The following RBFOX1 variants were observed in gnomAD, a reference collection of about 807,000 sequenced individuals.
RBFOX1 encodes the protein RNA binding fox-1 homolog 1.
In RBFOX1, 8 loss-of-function variants were observed where a neutral mutation model predicts 57.7. The observed-to-expected ratio is 0.14, with a 90% CI of 0.08 to 0.25. The LOEUF (loss-of-function observed/expected upper bound fraction) is 0.25, where lower values mean the gene tolerates loss of function less well. Ranked by LOEUF, RBFOX1 falls within the 10% of genes least tolerant of loss-of-function variation. RBFOX1 has a pLI of 1.00. For missense variants in RBFOX1, 611 were observed against 548.5 expected, an observed-to-expected ratio of 1.11 and a Z score of -1.14; for synonymous variants, 326 against 222.4, an observed-to-expected ratio of 1.47 and a Z score of -4.15.
chr16:6,652,614 A>C (rs1182337436), intron 2 of RBFOX1, among the ~76,000 whole-genome samples: 2 of 152,100 alleles, frequency 1.3e-5, no homozygotes, highest in African/African-American at 4.8e-5. Flanking sequence ...CACCTGTAGA[A>C]CTCTAAGAAA....
chr16:6,863,330 C>G (rs899771035), intron 3 of RBFOX1, among the ~76,000 whole-genome samples: 7 of 152,038 alleles, frequency 4.6e-5, no homozygotes, highest in Middle Eastern at 3.2e-3. Flanking sequence ...TGGGTAGAGA[C>G]AAAACGTGGC....
chr16:6,008,184 G>A (rs1195147626), intron 4 of RBFOX1, among the ~76,000 whole-genome samples: 1 of 151,878 alleles, frequency 6.6e-6, no homozygotes. Flanking sequence ...CAGCCTGGGT[G>A]GCATAGTGAA....
intron 2 of RBFOX1, chr16:6,577,110 T>G (rs1262222059): frequency 6.6e-6 from 1 of 152,196 alleles, no homozygotes; most frequent in Non-Finnish European, 1.5e-5. Context: ...AACATGCACC[T>G]GACATTGGAT....
rs993797741 is a variant in RBFOX1 at position 5,905,365 on chromosome 16, T to C, written c.351+38030T>C. On this transcript the variant is annotated intron_variant, in intron 4 of 19. Coordinates refer to the RBFOX1 transcript ENST00000641259. ...GCTGTGACGGACCTAACTGGTGTTT[T>C]TACAAGGAGAGATGATTAGGACACA... is the stretch of plus-strand genomic sequence containing the variant. 3.9e-5 allele frequency among the ~76,000 whole-genome samples: 6 copies of C among 151,918 alleles called. No homozygotes were observed. The South Asian group carries it at 1.2e-3, about 32-fold the overall frequency.
chr16:7,519,939 G>A (rs1488702988), intron 5 of RBFOX1, among the ~76,000 whole-genome samples: 1 of 152,138 alleles, frequency 6.6e-6, no homozygotes, highest in Non-Finnish European at 1.5e-5. Context: ...AGGCTGGAGT[G>A]CGGTGGCGCG....
chr16:5,828,069 C>G (rs1328476707), intron 3 of RBFOX1, among the ~76,000 whole-genome samples: 1 of 151,854 alleles, frequency 6.6e-6, no homozygotes, highest in Non-Finnish European at 1.5e-5. Context: ...ATCCATCCAT[C>G]CTTTCAGCCA....
At position 7,591,138 on chromosome 16, in the gene RBFOX1, G is replaced by A. The variant is rs1055601336; in HGVS notation, c.468+3838G>A. Among the ~76,000 whole-genome samples the A allele has an allele frequency of 2.0e-5, 3 of 152,136 alleles. No homozygotes were observed. In the East Asian group the frequency reaches 5.8e-4, roughly 29 times the overall value. On this transcript the variant is annotated intron_variant, in intron 7 of 15. Transcript: ENST00000550418. ...GAAAGAAGGAACATTTAAGCTGAGA[G>A]TGAGAGTTGCGTAAGAATTTCCCAG...
chr16:5,928,268 A>G (rs2058976254), intron 4 of RBFOX1, among the ~76,000 whole-genome samples: 2 of 151,724 alleles, frequency 1.3e-5, no homozygotes, highest in African/African-American at 4.8e-5. Context: ...GTTTGTAGAG[A>G]CGGGGGTCTC....
chr16:7,356,033 A>G (rs1415132854), intron 4 of RBFOX1, among the ~76,000 whole-genome samples: 2 of 152,240 alleles, frequency 1.3e-5, no homozygotes, highest in Admixed American at 1.3e-4. Context: ...TGAAGAAGCA[A>G]GCTCCAACGA....
At chr16:6,671,591 G>T (rs7187442) in intron 3 of RBFOX1, among the ~76,000 whole-genome samples, 3,174 of 152,124 alleles carry the variant, frequency 0.021, 123 homozygotes, top group African/African-American at 0.073. Context: ...AACCCAATTT[G>T]TAGTTTTCTA....
intron 3 of RBFOX1, among the ~76,000 whole-genome samples, chr16:5,855,002 T>C (rs1399292948): frequency 6.6e-6 from 1 of 152,252 alleles, no homozygotes; most frequent in East Asian, 1.9e-4. Context: ...TTCATAAGCC[T>C]GTTGCCCATT....
intron 3 of RBFOX1, among the ~76,000 whole-genome samples, chr16:5,661,991 G>A (rs767295836): frequency 6.6e-6 from 1 of 152,024 alleles, no homozygotes; most frequent in Non-Finnish European, 1.5e-5. Context: ...GTTTCACCAT[G>A]TTAGCAGGGT....
chr16:7,690,633 G>A (rs901327600), intron 14 of RBFOX1, among the ~76,000 whole-genome samples: 1 of 151,564 alleles, frequency 6.6e-6, no homozygotes, highest in African/African-American at 2.4e-5. Context: ...CTGAGAGGCA[G>A]CCCCACTGTC....
chr16:6,691,644 A>G (rs1023510693), intron 3 of RBFOX1, among the ~76,000 whole-genome samples: 6 of 152,196 alleles, frequency 3.9e-5, no homozygotes, highest in African/African-American at 1.4e-4. Context: ...TTGGCTTACA[A>G]ACGTAAAATG....
intron 4 of RBFOX1, among the ~76,000 whole-genome samples, chr16:7,329,184 C>G (rs145997146): frequency 1.3e-5 from 2 of 152,302 alleles, no homozygotes; most frequent in African/African-American, 4.8e-5. Flanking sequence ...AAAACATTTA[C>G]CATTCCCTGC....
chr16:5,326,979 CT>C (rs1341549269), intron 1 of RBFOX1, among the ~76,000 whole-genome samples: 1 of 152,158 alleles, frequency 6.6e-6, no homozygotes, highest in East Asian at 1.9e-4. Flanking sequence ...AACATCCGTT[CT>C]TTGTAAAGCA....
intron 4 of RBFOX1, among the ~76,000 whole-genome samples, chr16:7,467,222 C>G (rs987987864): frequency 6.6e-6 from 1 of 152,132 alleles, no homozygotes; most frequent in East Asian, 1.9e-4. Flanking sequence ...CATAATGACA[C>G]GGAGAACTTT....
rs138420945 is a variant in RBFOX1 at position 6,731,469 on chromosome 16, C to G, written c.-16+76819C>G. On this transcript the variant is annotated intron_variant, in intron 3 of 15. Coordinates refer to ENST00000550418, the MANE Select transcript of RBFOX1 (RefSeq NM_018723.4). ...TGTGGGTTTGCCATCTTTTTGTGCT[C>G]TTGCAGAATTCTAGCTGCGAGTATC... Among the ~76,000 whole-genome samples the G allele has an allele frequency of 3.3e-5, 5 of 152,246 alleles. No homozygotes were observed. In the East Asian group the frequency reaches 9.7e-4, roughly 29 times the overall value.
chr16:7,520,627 CCTG>C, intron 5 of RBFOX1, among the ~76,000 whole-genome samples: 1 of 152,316 alleles, frequency 6.6e-6, no homozygotes, highest in African/African-American at 2.4e-5. Context: ...TCTGAACACT[CCTG>C]CTGCCGACTT....
Sources: gnomAD v4.1 joint callset for allele counts (sites outside exome capture counted in the v4.1 genomes callset) on GRCh38, gnomAD v4.1.1 for gene constraint, MANE v1.5 for transcripts, NCBI Gene and HGNC (gene_info 2026-07-23, HGNC 2026-07-21) for gene names.